Variants in TNR observed in about 807,000 individuals in gnomAD.
TNR encodes tenascin-R.
TNR carries 45 observed loss-of-function variants against 150.4 expected under a neutral mutation model. The observed-to-expected ratio is 0.30, with a 90% CI of 0.24 to 0.38. TNR has a LOEUF of 0.38. Among genes scored for constraint, TNR ranks in the 10% least tolerant of loss-of-function variants. The pLI, the probability that TNR is intolerant of heterozygous loss-of-function variation, is 1.00. For missense variants in TNR, 1,544 were observed against 1,759.1 expected (o/e 0.88, Z 2.19); for synonymous variants, 687 against 678.4 (o/e 1.01, Z -0.20).
chr1:175,371,632 A>G (rs765249893), intron 9 of TNR, among the ~76,000 whole-genome samples: 1 of 152,224 alleles, frequency 6.6e-6, no homozygotes, highest in Non-Finnish European at 1.5e-5. Flanking sequence ...GATGGTAAAG[A>G]GTTATGCAAG....
chr1:175,434,288 T>G (rs1346321467), intron 2 of TNR, among the ~76,000 whole-genome samples: 5 of 152,140 alleles, frequency 3.3e-5, no homozygotes, highest in Non-Finnish European at 7.4e-5. Context: ...GTGTCGACTG[T>G]CCCTGGGAAC....
At chr1:175,484,081 G>A (rs1295418725) in intron 2 of TNR, among the ~76,000 whole-genome samples, 1 of 152,220 alleles carries the variant, frequency 6.6e-6, no homozygotes, top group Non-Finnish European at 1.5e-5. Context: ...CTAGCACTGT[G>A]CAGTGCACAC....
chr1:175,641,878 A>G (rs1040313098), intron 1 of TNR, among the ~76,000 whole-genome samples: 7 of 152,222 alleles, frequency 4.6e-5, no homozygotes, highest in African/African-American at 1.7e-4. Flanking sequence ...CAGTACAGGA[A>G]GAAAATGTAA....
intron 1 of TNR, among the ~76,000 whole-genome samples, chr1:175,528,783 C>T (rs1659946946): frequency 6.6e-6 from 1 of 152,108 alleles, no homozygotes; most frequent in Non-Finnish European, 1.5e-5. Flanking sequence ...TCCTTAATGT[C>T]CTTGGCACTC....
chr1:175,568,682 A>G (rs1571618886), intron 1 of TNR, among the ~76,000 whole-genome samples: 1 of 152,020 alleles, frequency 6.6e-6, no homozygotes, highest in South Asian at 2.1e-4. Context: ...AAGTCACTTC[A>G]TCTCTGTTCA....
chr1:175,671,312 A>G (rs1003503209), intron 1 of TNR, among the ~76,000 whole-genome samples: 5 of 152,174 alleles, frequency 3.3e-5, no homozygotes, highest in Non-Finnish European at 5.9e-5. Context: ...AGATGCAGAG[A>G]CATAGCCTCA....
chr1:175,334,562 C>T (rs1245237616), intron 20 of TNR, among the ~76,000 whole-genome samples: 5 of 152,198 alleles, frequency 3.3e-5, no homozygotes, highest in African/African-American at 1.2e-4. Flanking sequence ...GTTTTTCAGA[C>T]TTTTGCATTC....
intron 1 of TNR, among the ~76,000 whole-genome samples, chr1:175,697,079 C>CAAGA (rs767918961): frequency 6.6e-4 from 100 of 151,948 alleles, no homozygotes; most frequent in Non-Finnish European, 1.1e-3. Flanking sequence ...TATCCCAAGC[C>CAAGA]TCTTTATCTC....
At chr1:175,619,350 G>A (rs953162199) in intron 1 of TNR, among the ~76,000 whole-genome samples, 35 of 152,128 alleles carry the variant, frequency 2.3e-4, no homozygotes, top group Admixed American at 1.4e-3. Flanking sequence ...CGTGCAGAAT[G>A]TCAGTCTAGG....
At chr1:175,651,043 CCT>C (rs1158324051) in intron 1 of TNR, among the ~76,000 whole-genome samples, 1 of 62,524 alleles carries the variant, frequency 1.6e-5, no homozygotes, top group Non-Finnish European at 3.3e-5. Flanking sequence ...CATTACTACC[CCT>C]CCCCACCTCA....
intron 2 of TNR, among the ~76,000 whole-genome samples, chr1:175,440,532 A>G (rs545833494): frequency 6.6e-6 from 1 of 151,992 alleles, no homozygotes; most frequent in South Asian, 2.1e-4. Flanking sequence ...TATAATAATA[A>G]TAAAATAAAA....
At position 175,320,926 on chromosome 1, in the gene TNR, C is replaced by T. The variant is rs1220348459; in HGVS notation, c.*2431G>A. 6.6e-6 allele frequency: 1 copy of T among 151,946 alleles called. No homozygotes were observed. 9.4% of individuals were successfully genotyped at this position (151,946 alleles called of 1,614,324 possible). A position where few individuals can be genotyped will look rare whatever the true frequency, so the allele number is the denominator to read the frequency against. ...CAGATCACAGATTAGCATCATTGACCGTCAAAACTGAAAGGGAAATTAGAA... is the reference window on the plus strand; with the variant it reads ...CAGATCACAGATTAGCATCATTGACTGTCAAAACTGAAAGGGAAATTAGAA... On this transcript the variant is annotated 3_prime_UTR_variant, in exon 23 of 23. Transcript: ENST00000367674.
intron 2 of TNR, among the ~76,000 whole-genome samples, chr1:175,479,517 A>G (rs1657687110): frequency 6.6e-6 from 1 of 152,038 alleles, no homozygotes; most frequent in Non-Finnish European, 1.5e-5. Flanking sequence ...GTGACCTATC[A>G]CCTCAAACTC....
At chr1:175,358,368 G>A (rs1651425949) in intron 15 of TNR, among the ~76,000 whole-genome samples, 1 of 152,206 alleles carries the variant, frequency 6.6e-6, no homozygotes, top group Admixed American at 6.5e-5. Context: ...GTACTAGCAG[G>A]TTTGCCAATG....
At chr1:175,570,090 C>A (rs948141671) in intron 1 of TNR, among the ~76,000 whole-genome samples, 38 of 152,200 alleles carry the variant, frequency 2.5e-4, no homozygotes, top group African/African-American at 8.9e-4. Flanking sequence ...CCTAGGAATT[C>A]CATCTATAGG....
chr1:175,540,870 G>T (rs1239602211), intron 1 of TNR, among the ~76,000 whole-genome samples: 2 of 152,050 alleles, frequency 1.3e-5, no homozygotes, highest in Non-Finnish European at 2.9e-5. Flanking sequence ...ATCCATGTAA[G>T]TTATTTCTTC....
At position 175,323,272 on chromosome 1, in the gene TNR, T is replaced by G. The variant is rs1649161224; in HGVS notation, c.*85A>C. 6.5e-7 allele frequency: 1 copy of G among 1,546,804 alleles called. No individual in the cohort carries two copies. The highest frequency in any genetic ancestry group is 1.8e-5 in the Admixed American group (1 of 54,756). ...TACTCTTAATATGTTGCAAAACACA[T>G]TGCTATTACCCTCCCCCCTTGTTTC... is the stretch of plus-strand genomic sequence containing the variant. On this transcript the variant is annotated 3_prime_UTR_variant, in exon 23 of 23. Coordinates refer to ENST00000367674, the MANE Select transcript of TNR (RefSeq NM_003285.3).
intron 1 of TNR, among the ~76,000 whole-genome samples, chr1:175,551,863 G>A (rs942783184): frequency 1.9e-4 from 29 of 152,178 alleles, no homozygotes; most frequent in African/African-American, 6.0e-4. Flanking sequence ...GAGGGGCAAC[G>A]TGTGTGCACC....
chr1:175,406,847 C>T, intron 2 of TNR, 70 bp from the exon 3 acceptor site: 1 of 1,237,732 alleles, frequency 8.1e-7, no homozygotes, highest in Middle Eastern at 2.0e-4. Flanking sequence ...CTGCACAAGC[C>T]TACAAAGCTC....
Sources: gnomAD v4.1 joint callset for allele counts (sites outside exome capture counted in the v4.1 genomes callset) on GRCh38, gnomAD v4.1.1 for gene constraint, MANE v1.5 for transcripts, NCBI Gene and HGNC (gene_info 2026-07-23, HGNC 2026-07-21) for gene names.